The following VAC14 variants were observed in gnomAD, a reference collection of about 807,000 sequenced individuals.
VAC14 encodes VAC14 component of PIKFYVE complex.
Under a neutral mutation model 85.3 loss-of-function variants are expected in VAC14, and 47 were observed. That is an observed-to-expected ratio of 0.55 (90% confidence interval 0.44 to 0.70). The LOEUF (loss-of-function observed/expected upper bound fraction) is 0.70. VAC14 is among the 30% of genes least tolerant of loss of function. The pLI is 0.00. For synonymous variants in VAC14, 447 were observed against 430.5 expected, an observed-to-expected ratio of 1.04 and a Z score of -0.47; for missense variants, 861 against 1,004.3, an observed-to-expected ratio of 0.86 and a Z score of 1.93.
At chr16:70,779,108 G>A (rs1021526201) in intron 9 of VAC14, 2 of 152,242 alleles carry the variant, frequency 1.3e-5, no homozygotes, top group African/African-American at 2.4e-5. Flanking sequence ...AACCACCAAT[G>A]CTCCAGCTGA....
At chr16:70,757,946 G>A (rs2032002123) in intron 12 of VAC14, among the ~76,000 whole-genome samples, 1 of 152,168 alleles carries the variant, frequency 6.6e-6, no homozygotes, top group Non-Finnish European at 1.5e-5. Flanking sequence ...AGCCCAAGGT[G>A]GACTCCTAGA....
chr16:70,799,588 A>T (rs532149393), intron 1 of VAC14, among the ~76,000 whole-genome samples: 11 of 152,364 alleles, frequency 7.2e-5, no homozygotes, highest in African/African-American at 2.6e-4. Flanking sequence ...TGATTGTTAC[A>T]ACGGATGGAG....
rs1443744096 is a variant in VAC14 at position 70,762,788 on chromosome 16, G to A, written c.1305+93C>T. On this transcript the variant is annotated intron_variant, in intron 11 of 18. Transcript: ENST00000261776. This position sits in a 1 kb window ranked among gnomAD's most constrained non-coding sequence, Gnocchi z 4.1. ...TGCCGGCCAGGGTTTCCCTAGAAGG[G>A]CAATGACCAAAATGCTACCAACTAT... The A allele has an allele frequency of 1.3e-6, 2 of 1,584,760 alleles. No homozygotes were observed. Among genetic ancestry groups the A allele is most frequent in the African/African-American group, 2.7e-5 (2 of 74,278 alleles).
At position 70,695,689 on chromosome 16, in the gene VAC14, G is replaced by A. The variant is rs1329931233; in HGVS notation, c.1956-66C>T. 52 of 1,495,984 alleles carry A rather than the reference G, an allele frequency of 3.5e-5. 1 individual carries two copies. The highest frequency in any genetic ancestry group is 2.9e-4 in the South Asian group (25 of 87,260). The allele number at this position is 1,495,984 out of a possible 1,614,324, so 92.7% of individuals were successfully genotyped here. A position where few individuals can be genotyped will look rare whatever the true frequency, so the allele number is the denominator to read the frequency against. ...ACAGCCGCAGCTCACAGCACCACAC[G>A]CCCTCCCCCCCTGCACCTGGCTTCC... On this transcript the variant is annotated intron_variant, in intron 16 of 18. Transcript: ENST00000261776.
At chr16:70,756,197 T>C in intron 12 of VAC14, 3 of 426,154 alleles carry the variant, frequency 7.0e-6, no homozygotes, top group Non-Finnish European at 1.4e-5. Flanking sequence ...CCAGGCAGCC[T>C]CACCCCAGCT....
In VAC14 at chr16:70,691,295, G is replaced by A. The variant is rs544957823; in HGVS notation, c.2186+1526C>T. 473 of 985,406 alleles carry A rather than the reference G, an allele frequency of 4.8e-4. 4 individuals carry two copies. The highest frequency in any genetic ancestry group is 3.1e-3 in the Middle Eastern group (6 of 1,914). The allele number at this position is 985,406 out of a possible 1,614,324, so 61.0% of individuals were successfully genotyped here. A position where few individuals can be genotyped will look rare whatever the true frequency, so the allele number is the denominator to read the frequency against. On this transcript the variant is annotated intron_variant, in intron 18 of 18. Coordinates refer to ENST00000261776, the MANE Select transcript of VAC14 (RefSeq NM_018052.5). ...GGAGGACTCCCAGGAAGGCAGGCTG[G>A]TTCCCACAGGGAGACTGGAGGTCAC...
intron 1 of VAC14, 91 bp from the exon 2 acceptor site, chr16:70,786,456 C>A: frequency 1.4e-5 from 21 of 1,527,252 alleles, no homozygotes; most frequent in Non-Finnish European, 1.9e-5. Context: ...GGGAGATGAC[C>A]TGTTTGGAAA....
At chr16:70,726,080 A>G (rs1351925447) in intron 14 of VAC14, among the ~76,000 whole-genome samples, 1 of 152,270 alleles carries the variant, frequency 6.6e-6, no homozygotes, top group Non-Finnish European at 1.5e-5. Context: ...CCTTGTAAAG[A>G]TCACAGCTGT....
At chr16:70,751,673 A>T (rs375627296) in intron 12 of VAC14, among the ~76,000 whole-genome samples, 33 of 152,264 alleles carry the variant, frequency 2.2e-4, no homozygotes, top group African/African-American at 5.3e-4. Context: ...GCCAGAGAGC[A>T]CACCCTAGGA....
intron 14 of VAC14, among the ~76,000 whole-genome samples, chr16:70,722,874 G>A (rs933413060): frequency 7.9e-5 from 12 of 152,138 alleles, no homozygotes; most frequent in Admixed American, 5.2e-4. Context: ...GAGCCCAGGA[G>A]TTCAAGACCA....
chr16:70,765,767 C>T (rs1045776044), intron 10 of VAC14, among the ~76,000 whole-genome samples: 2 of 152,142 alleles, frequency 1.3e-5, no homozygotes, highest in South Asian at 2.1e-4. Flanking sequence ...GGACCAGCCC[C>T]TCTGCACCCA....
rs3833084 is a variant in VAC14, at chr16:70,687,524, T to TACAC, written c.*400_*403dup. On this transcript the variant is annotated 3_prime_UTR_variant, in exon 19 of 19. Transcript: ENST00000261776. ...GTGCTGGTGCCTACGTGCATACAAG[T>TACAC]ACACACACACACACACACACACAGG... 92 of 154,288 alleles carry TACAC rather than the reference T, an allele frequency of 6.0e-4. No homozygotes were observed. The highest frequency in any genetic ancestry group is 1.4e-3 in the African/African-American group (55 of 40,614). The allele number at this position is 154,288 out of a possible 1,614,324, so 9.6% of individuals were successfully genotyped here.
At chr16:70,745,939 T>C (rs988586758) in intron 12 of VAC14, among the ~76,000 whole-genome samples, 2 of 152,228 alleles carry the variant, frequency 1.3e-5, no homozygotes, top group South Asian at 2.1e-4. Flanking sequence ...GTTAGCACTG[T>C]AGGGCTCCTA....
In VAC14 at chr16:70,731,479, C is replaced by T. The variant is rs754557015; in HGVS notation, c.1661+16G>A. 6.2e-6 allele frequency: 10 copies of T among 1,607,830 alleles called. No individual in the cohort carries two copies. Among genetic ancestry groups the T allele is most frequent in the Middle Eastern group, 1.7e-4 (1 of 5,998 alleles). The stretch of plus-strand genomic sequence containing the variant: ...GCCGTGGGAGGAAGAGGAGAAAGCG[C>T]GCCGCCAAGGCTGACCTGATGATGA... On this transcript the variant is annotated intron_variant, in intron 14 of 18. Transcript: ENST00000261776.
intron 17 of VAC14, among the ~76,000 whole-genome samples, chr16:70,693,578 C>T (rs1451561680): frequency 2.6e-5 from 4 of 152,168 alleles, no homozygotes; most frequent in Non-Finnish European, 5.9e-5. Context: ...ACCACCCTGG[C>T]GGGGGAAAGA....
Position 70,698,829 on chromosome 16 carries a change from TG to T in VAC14, c.1662-19del, listed in dbSNP as rs1055375324. 6.2e-7 allele frequency: 1 copy of T among 1,612,696 alleles called. No individual in the cohort carries two copies. The highest frequency in any genetic ancestry group is 1.3e-5 in the African/African-American group (1 of 74,914). On this transcript the variant is annotated intron_variant, in intron 14 of 18. Coordinates refer to ENST00000261776, the MANE Select transcript of VAC14 (RefSeq NM_018052.5). ...ACAGCTGCCTGGAGAGCAGGCAGAC[TG>T]GGGTCAGGGCGCAGGCCGACCTGGA...
intron 14 of VAC14, among the ~76,000 whole-genome samples, chr16:70,699,076 A>G (rs567590354): frequency 6.6e-6 from 1 of 152,272 alleles, no homozygotes; most frequent in African/African-American, 2.4e-5. Flanking sequence ...ATCTCCCGGC[A>G]CAAGAGAAAC....
intron 12 of VAC14, among the ~76,000 whole-genome samples, chr16:70,746,487 G>T (rs574632337): frequency 6.6e-6 from 1 of 152,226 alleles, no homozygotes; most frequent in Non-Finnish European, 1.5e-5. Context: ...GGCACACAGA[G>T]TGGAGAGCTG....
chr16:70,753,549 G>A (rs1368906569), intron 12 of VAC14, among the ~76,000 whole-genome samples: 1 of 152,210 alleles, frequency 6.6e-6, no homozygotes, highest in East Asian at 1.9e-4. Context: ...GGGCACCAGG[G>A]CTGAGAGCTG....
Sources: allele counts gnomAD v4.1 joint callset (sites outside exome capture counted in the v4.1 genomes callset), GRCh38; gene constraint gnomAD v4.1.1; non-coding constraint Gnocchi (gnomAD v3.1); transcripts MANE v1.5; gene names NCBI Gene and HGNC (gene_info 2026-07-23, HGNC 2026-07-21).